AMDHD1: variants seen among roughly 807,000 people sequenced by gnomAD.
The protein encoded by AMDHD1 is probable imidazolonepropionase.
Under a neutral mutation model 44.1 loss-of-function variants are expected in AMDHD1, and 45 were observed. That is an observed-to-expected ratio of 1.02 (90% CI 0.80 to 1.31). The LOEUF is 1.31. Among genes scored for constraint, AMDHD1 ranks in the 50% most tolerant of loss-of-function variants. The pLI is 0.00. For synonymous variants in AMDHD1, 206 were observed against 205.0 expected (o/e 1.00, Z -0.04); for missense variants, 586 against 552.1 (o/e 1.06, Z -0.61).
intron 4 of AMDHD1, among the ~76,000 whole-genome samples, chr12:95,959,865 G>A (rs1190236690): frequency 3.0e-5 from 4 of 132,834 alleles, no homozygotes; most frequent in African/African-American, 5.7e-5. Flanking sequence ...GTGCGATCTC[G>A]GCTCACTGCA....
chr12:95,960,432 A>G lies in AMDHD1; in HGVS notation c.622A>G (p.Ile208Val). 1 of 1,614,210 alleles carries G rather than the reference A, an allele frequency of 6.2e-7. No individual in the cohort carries two copies. The highest frequency in any genetic ancestry group is 1.1e-5 in the South Asian group (1 of 91,084). Residue 208 changes from isoleucine to valine, a missense_variant, in exon 5 of 9, where the codon ATC becomes GTC. Transcript: ENST00000266736. ...KTATEAADDI[I>V]NNHLPKLKEL... ...TGCTACTGAAGCTGCTGATGACATC[A>G]TCAATAACCACCTCCCAAAGCTGAA...
At chr12:95,950,763 T>C (rs4762648) in intron 1 of AMDHD1, among the ~76,000 whole-genome samples, 97,387 of 151,994 alleles carry the variant, frequency 0.64, 32,109 homozygotes, top group East Asian at 0.95. Context: ...GAAGACAATC[T>C]TACCGGCTAG....
In AMDHD1 at chr12:95,956,949, CAT is replaced by C. The variant is rs2080554876; in HGVS notation, c.575_576del (p.His192LeufsTer4). The C allele has an allele frequency of 6.2e-7, 1 of 1,612,138 alleles. No individual in the cohort carries two copies. The highest frequency in any genetic ancestry group is 1.3e-5 in the African/African-American group (1 of 74,896). On this transcript the variant is annotated frameshift_variant, in exon 4 of 9. Transcript: ENST00000266736. LOFTEE classifies it high-confidence loss of function. ...CATCTCGGCTACCTACTGCGGGGCT[CAT>C]TCAGTGCCTAAGTAATCTCAGCCAG... ...IGISATYCGA[H>X]SVPKGKTATE...
chr12:95,945,347 T>G (rs1245823770), intron 1 of AMDHD1, among the ~76,000 whole-genome samples: 2 of 152,154 alleles, frequency 1.3e-5, no homozygotes, highest in Non-Finnish European at 2.9e-5. Context: ...TGAAATAAAT[T>G]TACAAGAATA....
At chr12:95,951,688 T>C (rs2080526341) in intron 1 of AMDHD1, among the ~76,000 whole-genome samples, 1 of 152,206 alleles carries the variant, frequency 6.6e-6, no homozygotes, top group Admixed American at 6.5e-5. Flanking sequence ...CTGTACTGAT[T>C]TACATTTCTA....
Position 95,963,077 on chromosome 12 carries a change from C to T in AMDHD1, c.938+598C>T, listed in dbSNP as rs76189564. On this transcript the variant is annotated intron_variant, in intron 6 of 8. Transcript: ENST00000266736. The stretch of plus-strand genomic sequence containing the variant: ...TTCTAACCAATATGAGATCTGAGGT[C>T]TTCTGACACTTCCCATTGTACCACT... 6.2e-3 allele frequency among the ~76,000 whole-genome samples: 951 copies of T among 152,262 alleles called. 8 individuals are homozygous for T. Among genetic ancestry groups the T allele is most frequent in the African/African-American group, 0.02 (851 of 41,538 alleles).
At chr12:95,961,233 A>G (rs989365278) in intron 5 of AMDHD1, among the ~76,000 whole-genome samples, 1 of 152,190 alleles carries the variant, frequency 6.6e-6, no homozygotes, top group African/African-American at 2.4e-5. Context: ...ACACAAAGCC[A>G]CACTAGCACA....
rs753347919 is a variant in AMDHD1 at position 95,966,390 on chromosome 12, A to C, written c.1075A>C (p.Met359Leu). 1.9e-6 allele frequency: 3 copies of C among 1,614,256 alleles called. No homozygotes were observed. Among genetic ancestry groups the C allele is most frequent in the East Asian group, 4.5e-5 (2 of 44,884 alleles). Residue 359 changes from methionine (M) to leucine (L), a missense_variant, in exon 8 of 9, where the codon ATG (methionine) becomes CTG (leucine). Physicochemically the swap from Met to Leu is conservative, Grantham distance 15. Coordinates refer to ENST00000266736, the MANE Select transcript of AMDHD1 (RefSeq NM_152435.3). ...HLACVNMRMS[M>L]PEALAAATIN... ...GGCCTGTGTAAACATGAGAATGTCC[A>C]TGCCTGAGGCCTTGGCCGCTGCCAC...
intron 8 of AMDHD1, among the ~76,000 whole-genome samples, chr12:95,967,223 C>T (rs2080616039): frequency 1.3e-5 from 2 of 152,196 alleles, no homozygotes; most frequent in Admixed American, 1.3e-4. Context: ...ATCATGAGAA[C>T]AGCATGGGAA....
At chr12:95,955,772 G>A (rs1183639883) in intron 3 of AMDHD1, among the ~76,000 whole-genome samples, 2 of 152,096 alleles carry the variant, frequency 1.3e-5, no homozygotes, top group Non-Finnish European at 2.9e-5. Flanking sequence ...CTCCGGCCAG[G>A]AGACCCCAGG....
At chr12:95,945,814 C>G (rs1198485233) in intron 1 of AMDHD1, among the ~76,000 whole-genome samples, 1 of 151,584 alleles carries the variant, frequency 6.6e-6, no homozygotes, top group Non-Finnish European at 1.5e-5. Flanking sequence ...TATATACATA[C>G]CATGGTGTGT....
chr12:95,958,416 C>A (rs1392254379), intron 4 of AMDHD1, among the ~76,000 whole-genome samples: 1 of 152,046 alleles, frequency 6.6e-6, no homozygotes, highest in East Asian at 1.9e-4. Context: ...TTTAATATTT[C>A]CAGTGATCTT....
chr12:95,967,981 A>G lies in AMDHD1; in HGVS notation c.*138A>G, dbSNP rs564390981. The G allele has an allele frequency of 1.3e-5, 8 of 610,598 alleles. No homozygotes were observed. The highest frequency in any genetic ancestry group is 9.6e-5 in the East Asian group (3 of 31,196). The allele number at this position is 610,598 out of a possible 1,614,324, so 37.8% of individuals were successfully genotyped here. On this transcript the variant is annotated 3_prime_UTR_variant, in exon 9 of 9. Coordinates refer to ENST00000266736, the MANE Select transcript of AMDHD1 (RefSeq NM_152435.3). ...CTTCAATGTCTTTTTAAGTCACTCA[A>G]AAAACCCAAGGGATAGATTTATTTT...
Position 95,965,784 on chromosome 12 carries a change from T to C in AMDHD1, c.1032+5T>C, listed in dbSNP as rs762730681. On this transcript the variant is annotated splice_donor_5th_base_variant and intron_variant, in intron 7 of 8. Transcript: ENST00000266736. ...AATGCATATTGCTTTTCAATGGTAA[T>C]TATTTTTTTCATGTACCTTTCTGAG... 1 of 1,594,184 alleles carries C rather than the reference T, an allele frequency of 6.3e-7. No individual in the cohort carries two copies. Among genetic ancestry groups the C allele is most frequent in the Non-Finnish European group, 8.6e-7 (1 of 1,166,282 alleles).
chr12:95,962,822 C>T (rs1309517041), intron 6 of AMDHD1, among the ~76,000 whole-genome samples: 2 of 151,958 alleles, frequency 1.3e-5, no homozygotes. Flanking sequence ...AGGTGCTATA[C>T]TTTTAAATAT....
chr12:95,966,292 T>TA, intron 7 of AMDHD1, 56 bp from the exon 8 acceptor site: 1 of 1,595,270 alleles, frequency 6.3e-7, no homozygotes, highest in African/African-American at 1.3e-5. Context: ...AGAAATGTTT[T>TA]AAATTGCAGT....
intron 8 of AMDHD1, 52 bp from the exon 9 acceptor site, chr12:95,967,704 T>C (rs2080618235): frequency 7.4e-7 from 1 of 1,358,466 alleles, no homozygotes; most frequent in African/African-American, 1.5e-5. Context: ...AAGTAATAAT[T>C]TTTACTTGCA....
chr12:95,965,721 A>G lies in AMDHD1; in HGVS notation c.974A>G (p.Glu325Gly). The change falls in exon 7 of 9, where the codon GAA (glutamate) becomes GGA (glycine). Residue 325 changes from glutamate to glycine, a missense_variant. By Grantham distance (98) the Glu-to-Gly change is moderately conservative. Transcript: ENST00000266736. The part of the protein sequence containing the change: ...KQPRARKMLD[E>G]GVIVALGSDF... ...CCTCGAGCCAGGAAGATGTTAGATG[A>G]AGGAGTAATAGTTGCTCTGGGAAGT... 1.2e-6 allele frequency: 2 copies of G among 1,613,152 alleles called. No homozygotes were observed. The highest frequency in any genetic ancestry group is 1.7e-6 in the Non-Finnish European group (2 of 1,179,738).
chr12:95,943,766 C>T (rs531498494), intron 1 of AMDHD1, among the ~76,000 whole-genome samples: 1 of 152,320 alleles, frequency 6.6e-6, no homozygotes, highest in East Asian at 1.9e-4. Context: ...AGGGTCCTGC[C>T]TCTGCTGGTA....
Sources: gnomAD v4.1 joint callset for allele counts (sites outside exome capture counted in the v4.1 genomes callset) on GRCh38, gnomAD v4.1.1 for gene constraint, MANE v1.5 for transcripts, NCBI Gene and HGNC (gene_info 2026-07-23, HGNC 2026-07-21) for gene names.